Variants in MRTFA observed in about 807,000 individuals in gnomAD.
MRTFA encodes the protein myocardin related transcription factor A, also known as myocardin-related transcription factor A.
A neutral mutation model predicts 83.5 loss-of-function variants in MRTFA; 20 were observed. That is an observed-to-expected ratio of 0.24 (90% CI 0.17 to 0.35). The LOEUF is 0.35. MRTFA is among the 10% of genes least tolerant of loss of function. MRTFA has a pLI of 1.00. For synonymous variants in MRTFA, 659 were observed against 541.2 expected (o/e 1.22, Z -3.02); for missense variants, 1,200 against 1,224.7 (o/e 0.98, Z 0.30).
intron 3 of MRTFA, among the ~76,000 whole-genome samples, chr22:40,483,038 C>A (rs1407928423): frequency 6.6e-6 from 1 of 151,990 alleles, no homozygotes; most frequent in Non-Finnish European, 1.5e-5. Context: ...GCACTCCAGC[C>A]TGAACAAGAG....
intron 2 of MRTFA, among the ~76,000 whole-genome samples, chr22:40,553,433 C>T (rs2055473314): frequency 6.6e-6 from 1 of 152,146 alleles, no homozygotes; most frequent in South Asian, 2.1e-4. Context: ...GGACATGGTG[C>T]CCTGAGTCCC....
chr22:40,593,846 G>C (rs976138718), intron 2 of MRTFA, among the ~76,000 whole-genome samples: 1 of 152,176 alleles, frequency 6.6e-6, no homozygotes, highest in Non-Finnish European at 1.5e-5. Flanking sequence ...GTTCCGTTTT[G>C]ACTGTCAAGT....
rs2052768818 is a variant in MRTFA, at chr22:40,419,162, G to C, written c.1576C>G (p.Leu526Val). 1.3e-6 allele frequency: 2 copies of C among 1,585,068 alleles called. No homozygotes were observed. Among genetic ancestry groups the C allele is most frequent in the Admixed American group, 3.5e-5 (2 of 56,492 alleles). The change falls in exon 12 of 15, where the codon CTG becomes GTG. Residue 526 changes from leucine to valine, a missense_variant. Physicochemically the swap from Leu to Val is conservative, Grantham distance 32. Transcript: ENST00000355630. ...GCCACCACCACCTCAGCTGGAGCCA[G>C]GCCTGCTGCCACCAGGGCTGGCCCC...
At chr22:40,559,094 A>C (rs2055575301) in intron 2 of MRTFA, among the ~76,000 whole-genome samples, 1 of 152,068 alleles carries the variant, frequency 6.6e-6, no homozygotes, top group Admixed American at 6.5e-5. Flanking sequence ...GGAAGTTTTA[A>C]AAATAATGTT....
At chr22:40,419,916 A>G (rs899289803) in intron 11 of MRTFA, among the ~76,000 whole-genome samples, 1 of 152,190 alleles carries the variant, frequency 6.6e-6, no homozygotes, top group African/African-American at 2.4e-5. Flanking sequence ...TCCCAGGCAG[A>G]CACTGCACCT....
At chr22:40,414,920 C>T (rs918135644) in intron 14 of MRTFA, 1 of 150,282 alleles carries the variant, frequency 6.7e-6, no homozygotes, top group Non-Finnish European at 1.5e-5. Context: ...TGCTCCCCAA[C>T]CCTGTGGGTT....
At chr22:40,473,410 C>T (rs896764918) in intron 3 of MRTFA, among the ~76,000 whole-genome samples, 2 of 152,148 alleles carry the variant, frequency 1.3e-5, no homozygotes, top group African/African-American at 2.4e-5. Flanking sequence ...CCTCCCACTT[C>T]GGCCTCCCAA....
intron 4 of MRTFA, among the ~76,000 whole-genome samples, chr22:40,448,130 T>C (rs2053417000): frequency 1.3e-5 from 2 of 152,190 alleles, no homozygotes; most frequent in Admixed American, 1.3e-4. Flanking sequence ...GCCAACACGG[T>C]GAAACCCCAT....
chr22:40,612,186 T>C (rs1455841604), intron 1 of MRTFA, among the ~76,000 whole-genome samples: 2 of 152,244 alleles, frequency 1.3e-5, no homozygotes, highest in African/African-American at 4.8e-5. Flanking sequence ...TAAATACATA[T>C]GGTAGATACT....
intron 3 of MRTFA, among the ~76,000 whole-genome samples, chr22:40,507,018 C>A (rs2054591310): frequency 6.6e-6 from 1 of 152,158 alleles, no homozygotes; most frequent in Admixed American, 6.5e-5. Context: ...TCCAATGGCA[C>A]CTTGTTAAAA....
At chr22:40,484,900 G>A (rs1807582) in intron 3 of MRTFA, among the ~76,000 whole-genome samples, 9,103 of 151,388 alleles carry the variant, frequency 0.06, 472 homozygotes, top group Non-Finnish European at 0.08. Context: ...GTGAAACCCC[G>A]TCTCTACTAA....
chr22:40,532,869 C>A (rs1199741821), intron 3 of MRTFA, among the ~76,000 whole-genome samples: 1 of 152,166 alleles, frequency 6.6e-6, no homozygotes, highest in Non-Finnish European at 1.5e-5. Flanking sequence ...CTACAGATTA[C>A]ATTTTAGTAG....
rs543904613 is a variant in MRTFA, at chr22:40,419,081, C to T, written c.1657G>A (p.Val553Met). Residue 553 changes from valine (V) to methionine (M), a missense_variant, in exon 12 of 15, where the codon GTG becomes ATG. Transcript: ENST00000355630. ...GAGCGCTCCGAGGGGGTGGGAGACA[C>T]GGGGGGCGTGGAGCCCGTGCTGCCA... 64 of 1,605,216 alleles carry T rather than the reference C, an allele frequency of 4.0e-5. No homozygotes were observed. The Middle Eastern group carries it at 4.9e-4, about 12-fold the overall frequency.
chr22:40,419,014 G>A lies in MRTFA; in HGVS notation c.1724C>T (p.Thr575Ile), dbSNP rs754806244. ...AGGTGATGTCACCATCTCACCAAAG[G>A]TGTCCCCGGGGGTGGAGTTTTCATC... is the stretch of plus-strand genomic sequence containing the variant. The change falls in exon 12 of 15, where the codon ACC becomes ATC. Residue 575 changes from threonine to isoleucine, a missense_variant. Around this residue, in one of 2 missense-constraint regions of MRTFA, gnomAD observed 1,107 missense variants for 1,041.8 expected, o/e 1.06. Transcript: ENST00000355630. The A allele has an allele frequency of 2.5e-6, 4 of 1,612,776 alleles. No individual in the cohort carries two copies. The highest frequency in any genetic ancestry group is 2.2e-5 in the East Asian group (1 of 44,860).
intron 14 of MRTFA, among the ~76,000 whole-genome samples, chr22:40,413,810 T>A (rs1235247443): frequency 6.6e-6 from 1 of 152,268 alleles, no homozygotes; most frequent in Middle Eastern, 3.4e-3. Flanking sequence ...CAATAGAAGA[T>A]ACACAAATGG....
chr22:40,598,249 A>G (rs1162722418), intron 1 of MRTFA, among the ~76,000 whole-genome samples: 3 of 150,866 alleles, frequency 2.0e-5, no homozygotes, highest in African/African-American at 7.3e-5. Flanking sequence ...TGATTGCTAC[A>G]TGAGACCATC....
chr22:40,414,398 C>T (rs2052632638), intron 14 of MRTFA, among the ~76,000 whole-genome samples: 1 of 152,138 alleles, frequency 6.6e-6, no homozygotes, highest in Non-Finnish European at 1.5e-5. Flanking sequence ...GGTTTATGCC[C>T]AGAACTGAAA....
chr22:40,548,466 G>A (rs925104859), intron 3 of MRTFA, among the ~76,000 whole-genome samples: 33 of 151,330 alleles, frequency 2.2e-4, no homozygotes, highest in Middle Eastern at 3.4e-3. Flanking sequence ...GAGAGAAAGC[G>A]TATCCCAAAT....
At chr22:40,539,517 T>C (rs1183739116) in intron 3 of MRTFA, among the ~76,000 whole-genome samples, 1 of 142,814 alleles carries the variant, frequency 7.0e-6, no homozygotes, top group Non-Finnish European at 1.6e-5. Context: ...TTTTGTGTTT[T>C]TTGTTTGAGA....
Sources: gnomAD v4.1 joint callset for allele counts (sites outside exome capture counted in the v4.1 genomes callset) on GRCh38, gnomAD v4.1.1 for gene constraint, gnomAD v4.1.1 regional missense constraint, MANE v1.5 for transcripts, NCBI Gene and HGNC (gene_info 2026-07-23, HGNC 2026-07-21) for gene names.